Variants in BHLHE41 observed in about 807,000 individuals in gnomAD.
BHLHE41 encodes class E basic helix-loop-helix protein 41.
A neutral mutation model predicts 24.0 loss-of-function variants in BHLHE41; 14 were observed. That is an observed-to-expected ratio of 0.58 (90% CI 0.39 to 0.91). The LOEUF is 0.91. Ranked by LOEUF, BHLHE41 falls within the 40% of genes least tolerant of loss-of-function variation. The pLI is 0.00. For synonymous variants in BHLHE41, 394 were observed against 315.5 expected, an observed-to-expected ratio of 1.25 and a Z score of -2.64; for missense variants, 674 against 655.4, an observed-to-expected ratio of 1.03 and a Z score of -0.31.
rs1944301648 is a variant in BHLHE41, at chr12:26,121,186, T to G, written c.*880A>C. 1 of 152,276 alleles carries G rather than the reference T, an allele frequency of 6.6e-6. No individual in the cohort carries two copies. The highest frequency in any genetic ancestry group is 1.5e-5 in the Non-Finnish European group (1 of 68,032). 9.4% of individuals were successfully genotyped at this position (152,276 alleles called of 1,614,324 possible). On this transcript the variant is annotated 3_prime_UTR_variant, in exon 5 of 5. Transcript: ENST00000242728. ...TGAGATGTGTATGTATAGATACCTA[T>G]CTATGGATAAATAGAAATCTGTACA... is the stretch of plus-strand genomic sequence containing the variant.
rs12831005 is a variant in BHLHE41 at position 26,122,639 on chromosome 12, G to A, written c.876C>T (p.Gly292=). The A allele has an allele frequency of 1.6e-5, 21 of 1,290,252 alleles. No individual in the cohort carries two copies. The highest frequency in any genetic ancestry group is 1.9e-5 in the Non-Finnish European group (19 of 1,011,962). 79.9% of individuals were successfully genotyped at this position (1,290,252 alleles called of 1,614,324 possible). A position where few individuals can be genotyped will look rare whatever the true frequency, so the allele number is the denominator to read the frequency against. ...LDSRGGGSGG[G]PGGGAAAAAA... ...CCGCCGCCGCCGCGCCGCCCCCCGG[G>A]CCGCCGCCGCTGCCGCCGCCGCGGG... Residue 292 remains glycine (G), a synonymous_variant, in exon 5 of 5, where the codon GGC becomes GGT. Transcript: ENST00000242728.
intron 1 of BHLHE41, 44 bp from the exon 2 acceptor site, chr12:26,124,626 C>T (rs1944346850): frequency 6.2e-7 from 1 of 1,611,874 alleles, no homozygotes; most frequent in African/African-American, 1.3e-5. Context: ...CGGGGAGGGG[C>T]TCTGCCCTCG....
chr12:26,122,606 C>T lies in BHLHE41; in HGVS notation c.909G>A (p.Ala303=), dbSNP rs1399764714. The part of the protein sequence containing the change: ...PGGGAAAAAA[A]LLGPDPAAAA... The stretch of plus-strand genomic sequence containing the variant: ...CGGCGGCAGGGTCGGGCCCCAGAAG[C>T]GCGGCTGCCGCCGCCGCCGCGCCGC... The change falls in exon 5 of 5, where the codon GCG becomes GCA. Residue 303 remains alanine (A), a synonymous_variant. Coordinates refer to ENST00000242728, the MANE Select transcript of BHLHE41 (RefSeq NM_030762.3). 3 of 1,121,814 alleles carry T rather than the reference C, an allele frequency of 2.7e-6. No individual in the cohort carries two copies. The highest frequency in any genetic ancestry group is 5.0e-5 in the Admixed American group (1 of 19,874). 69.5% of individuals were successfully genotyped at this position (1,121,814 alleles called of 1,614,324 possible).
rs1565663317 is a variant in BHLHE41 at position 26,120,222 on chromosome 12, T to A, written c.*1844A>T. On this transcript the variant is annotated 3_prime_UTR_variant, in exon 5 of 5. Coordinates refer to ENST00000242728, the MANE Select transcript of BHLHE41 (RefSeq NM_030762.3). ...TAGATATCTTAAAACTAATTGAGCA[T>A]CCATTATGTCTTTTTTAATTATTAG... 2 of 152,632 alleles carry A rather than the reference T, an allele frequency of 1.3e-5. No individual in the cohort carries two copies. 9.5% of individuals were successfully genotyped at this position (152,632 alleles called of 1,614,324 possible). A position where few individuals can be genotyped will look rare whatever the true frequency, so the allele number is the denominator to read the frequency against.
rs1160472597 is a variant in BHLHE41 at position 26,124,970 on chromosome 12, G to A, written c.-191C>T. On this transcript the variant is annotated 5_prime_UTR_variant, in exon 1 of 5. Coordinates refer to ENST00000242728, the MANE Select transcript of BHLHE41 (RefSeq NM_030762.3). ...CTCCACCGCGCTCGCACACACACAC[G>A]CACACACACGCACACTCGCGCCGGC... is the stretch of plus-strand genomic sequence containing the variant. 1 of 634,096 alleles carries A rather than the reference G, an allele frequency of 1.6e-6. No homozygotes were observed. Among genetic ancestry groups the A allele is most frequent in the Non-Finnish European group, 2.9e-6 (1 of 347,940 alleles). 39.3% of individuals were successfully genotyped at this position (634,096 alleles called of 1,614,324 possible).
chr12:26,124,252 T>TGGGGG, intron 2 of BHLHE41, 73 bp from the exon 3 acceptor site: 6 of 879,380 alleles, frequency 6.8e-6, no homozygotes, highest in African/African-American at 1.7e-5. Context: ...TACCCTCGTC[T>TGGGGG]GCCCCCCCCG....
chr12:26,122,505 A>T lies in BHLHE41; in HGVS notation c.1010T>A (p.Phe337Tyr). The T allele has an allele frequency of 7.6e-7, 1 of 1,307,410 alleles. No homozygotes were observed. Among genetic ancestry groups the T allele is most frequent in the Non-Finnish European group, 9.8e-7 (1 of 1,018,104 alleles). The allele number at this position is 1,307,410 out of a possible 1,614,324, so 81.0% of individuals were successfully genotyped here. A position where few individuals can be genotyped will look rare whatever the true frequency, so the allele number is the denominator to read the frequency against. ...GGCCGCGGCGGCCGCGGGCTGCGGG[A>T]AGGGCGCGCCTCCGCCTCCGCCGAA... ...VAFGGGGGAP[F>Y]PQPAAAAAPF... Residue 337 changes from phenylalanine to tyrosine, a missense_variant, in exon 5 of 5, where the codon TTC becomes TAC. Physicochemically the swap from Phe to Tyr is conservative, Grantham distance 22. Transcript: ENST00000242728.
Position 26,121,863 on chromosome 12 carries a change from T to C in BHLHE41, c.*203A>G. 2 of 1,292,092 alleles carry C rather than the reference T, an allele frequency of 1.5e-6. No homozygotes were observed. The highest frequency in any genetic ancestry group is 2.1e-6 in the Non-Finnish European group (2 of 957,894). 80.0% of individuals were successfully genotyped at this position (1,292,092 alleles called of 1,614,324 possible). ...GGATGTTAGTGTGTGGAGGGTGGGG[T>C]GGTGCGGGATGAGCAAAACAGGAAC... On this transcript the variant is annotated 3_prime_UTR_variant, in exon 5 of 5. Transcript: ENST00000242728.
At chr12:26,123,357 G>A (rs1944332345) in intron 4 of BHLHE41, among the ~76,000 whole-genome samples, 189 bp from the exon 5 acceptor site, 1 of 152,192 alleles carries the variant, frequency 6.6e-6, no homozygotes, top group African/African-American at 2.4e-5. Context: ...GCGGAGCGGG[G>A]AGAGGGCGCT....
At chr12:26,123,574 C>T (rs1357093223) in intron 4 of BHLHE41, 56 bp downstream of exon 4, 4 of 1,236,490 alleles carry the variant, frequency 3.2e-6, no homozygotes, top group Non-Finnish European at 4.8e-6. Context: ...TGACACTGCT[C>T]CCCTGTGGGC....
Position 26,122,807 on chromosome 12 carries a change from C to T in BHLHE41, c.708G>A (p.Thr236=), listed in dbSNP as rs567079724. The T allele has an allele frequency of 6.0e-5, 95 of 1,593,202 alleles. No individual in the cohort carries two copies. In the South Asian group the frequency reaches 6.7e-4, roughly 11 times the overall value. The change falls in exon 5 of 5, where the codon ACG becomes ACA. Residue 236 remains threonine, a synonymous_variant. Transcript: ENST00000242728. ...CGCCGCCGTAGCCGCTGTCGGTGTC[C>T]GTGTCGTTCTCGGCGGCGAGCTCGG... ...PSAELAAEND[T]DTDSGYGGEA...
rs942589828 is a variant in BHLHE41, at chr12:26,122,282, CGCGGCGGCGGCGGCGGCA to C, written c.1215_1232del (p.Ala406_Ala411del). 151 of 1,202,368 alleles carry C rather than the reference CGCGGCGGCGGCGGCGGCA, an allele frequency of 1.3e-4. 1 individual carries two copies. Among genetic ancestry groups the C allele is most frequent in the South Asian group, 5.4e-4 (13 of 24,048 alleles). The allele number at this position is 1,202,368 out of a possible 1,614,324, so 74.5% of individuals were successfully genotyped here. ...ACAACACCGAGGACAGGCAGGGGAA[CGCGGCGGCGGCGGCGGCA>C]GCGGCGGCGGCGGCTGCCGCGGCTG... On this transcript the variant is annotated inframe_deletion, in exon 5 of 5. Transcript: ENST00000242728.
In BHLHE41 at chr12:26,122,655, C is replaced by A. The variant is rs1944322231; in HGVS notation, c.860G>T (p.Gly287Val). 1 of 1,378,618 alleles carries A rather than the reference C, an allele frequency of 7.3e-7. No homozygotes were observed. Among genetic ancestry groups the A allele is most frequent in the Non-Finnish European group, 9.4e-7 (1 of 1,063,294 alleles). 85.4% of individuals were successfully genotyped at this position (1,378,618 alleles called of 1,614,324 possible). A position where few individuals can be genotyped will look rare whatever the true frequency, so the allele number is the denominator to read the frequency against. ...PKRMKLDSRG[G>V]GSGGGPGGGA... ...GCCCCCCGGGCCGCCGCCGCTGCCG[C>A]CGCCGCGGGAATCCAGCTTCATCCT... Residue 287 changes from glycine to valine, a missense_variant, in exon 5 of 5, where the codon GGC becomes GTC. Around this residue, in one of 3 missense-constraint regions of BHLHE41, gnomAD observed 602 missense variants for 570.8 expected, o/e 1.05. Transcript: ENST00000242728.
Position 26,124,544 on chromosome 12 carries a change from C to T in BHLHE41, c.101G>A (p.Arg34Lys). ...YSSLYMCKPK[R>K]SMKRDDTKDT... is the part of the protein sequence containing the mutation. ...CTTGGTGTCGTCTCGTTTCATGCTC[C>T]TTTTGGGTTTACACATATACAAAGA... is the stretch of plus-strand genomic sequence containing the variant. The change falls in exon 2 of 5, where the codon AGG becomes AAG. Residue 34 changes from arginine to lysine, a missense_variant. Physicochemically the swap from Arg to Lys is conservative, Grantham distance 26 (BLOSUM62 2). This residue lies in a region of BHLHE41 where 67 missense variants were observed against 62.4 expected (regional missense o/e 1.07). Coordinates refer to ENST00000242728, the MANE Select transcript of BHLHE41 (RefSeq NM_030762.3). 1 of 1,614,134 alleles carries T rather than the reference C, an allele frequency of 6.2e-7. No homozygotes were observed. Among genetic ancestry groups the T allele is most frequent in the Non-Finnish European group, 8.5e-7 (1 of 1,180,022 alleles).
rs1944316233 is a variant in BHLHE41, at chr12:26,122,339, G to A, written c.1176C>T (p.Ile392=). 1 of 1,178,434 alleles carries A rather than the reference G, an allele frequency of 8.5e-7. No homozygotes were observed. The highest frequency in any genetic ancestry group is 1.0e-6 in the Non-Finnish European group (1 of 954,528). The allele number at this position is 1,178,434 out of a possible 1,614,324, so 73.0% of individuals were successfully genotyped here. ...CTGCCGCGGCTGCCGCCGGGGCGGGGATGCCGGGGTATAGCAGCGGGAACG... is the reference window on the plus strand; with the variant it reads ...CTGCCGCGGCTGCCGCCGGGGCGGGAATGCCGGGGTATAGCAGCGGGAACG... ...AAPFPLLYPG[I]PAPAAAAAAA... is the part of the protein sequence containing the mutation. The change falls in exon 5 of 5, where the codon ATC becomes ATT. Residue 392 remains isoleucine (I), a synonymous_variant. Transcript: ENST00000242728.
In BHLHE41 at chr12:26,124,964, A is replaced by T; in HGVS notation, c.-185T>A. ...CCCCCCCTCCACCGCGCTCGCACAC[A>T]CACACGCACACACACGCACACTCGC... On this transcript the variant is annotated 5_prime_UTR_variant, in exon 1 of 5. Transcript: ENST00000242728. The T allele has an allele frequency of 1.6e-6, 1 of 633,752 alleles. No individual in the cohort carries two copies. Among genetic ancestry groups the T allele is most frequent in the Non-Finnish European group, 2.9e-6 (1 of 348,116 alleles). 39.3% of individuals were successfully genotyped at this position (633,752 alleles called of 1,614,324 possible).
At position 26,121,997 on chromosome 12, in the gene BHLHE41, C is replaced by T; in HGVS notation, c.*69G>A. On this transcript the variant is annotated 3_prime_UTR_variant, in exon 5 of 5. Transcript: ENST00000242728. ...AAGGGTATTTTAACTTCTCACTCTGCTTGAACCTCCTTAAGGGTATTTTAA... is the reference window on the plus strand; with the variant it reads ...AAGGGTATTTTAACTTCTCACTCTGTTTGAACCTCCTTAAGGGTATTTTAA... 6.5e-7 allele frequency: 1 copy of T among 1,543,224 alleles called. No homozygotes were observed.
At chr12:26,124,253 G>GGGGGGGGGGC in intron 2 of BHLHE41, 74 bp from the exon 3 acceptor site, 2 of 785,892 alleles carry the variant, frequency 2.5e-6, no homozygotes, top group Non-Finnish European at 2.1e-6. Flanking sequence ...ACCCTCGTCT[G>GGGGGGGGGGC]CCCCCCCCGC....
rs1411027081 is a variant in BHLHE41 at position 26,124,389 on chromosome 12, CCACTTAAAATT to C, written c.126+119_126+129del. 3 of 1,045,304 alleles carry C rather than the reference CCACTTAAAATT, an allele frequency of 2.9e-6. No individual in the cohort carries two copies. The African/African-American group carries it at 4.8e-5, about 17-fold the overall frequency. The allele number at this position is 1,045,304 out of a possible 1,614,324, so 64.8% of individuals were successfully genotyped here. ...TATCCCCCTGAGAGTACCCAGCAAG[CCACTTAAAATT>C]CACAGTTGGGGAAGCTCAGGGGCTG... On this transcript the variant is annotated intron_variant, in intron 2 of 4. Transcript: ENST00000242728.
Sources: allele counts gnomAD v4.1 joint callset (sites outside exome capture counted in the v4.1 genomes callset), GRCh38; gene constraint gnomAD v4.1.1; regional missense constraint gnomAD v4.1.1; transcripts MANE v1.5; gene names NCBI Gene and HGNC (gene_info 2026-07-23, HGNC 2026-07-21).